Variants in TIGIT observed in about 807,000 individuals in gnomAD.
TIGIT encodes T cell immunoreceptor with Ig and ITIM domains.
TIGIT carries 11 observed loss-of-function variants against 19.6 expected under a neutral mutation model. The ratio of observed to expected loss-of-function variants is 0.56; its 90% CI spans 0.35 to 0.93. The LOEUF (loss-of-function observed/expected upper bound fraction) is 0.93. Ranked by LOEUF, TIGIT falls within the 40% of genes least tolerant of loss-of-function variation. TIGIT has a pLI of 0.01. For synonymous variants in TIGIT, 130 were observed against 125.5 expected, an observed-to-expected ratio of 1.04 and a Z score of -0.24; for missense variants, 295 against 303.9, an observed-to-expected ratio of 0.97 and a Z score of 0.22.
intron 3 of TIGIT, among the ~76,000 whole-genome samples, chr3:114,303,579 ATATATATACATATATAT>A (rs2078509720): frequency 1.7e-4 from 1 of 5,926 alleles, no homozygotes; most frequent in Admixed American, 3.4e-3. Flanking sequence ...ATATGTATAT[ATATATATACATATATAT>A]GTATATATAT....
In TIGIT at chr3:114,308,158, C is replaced by G. The variant is rs1374546019; in HGVS notation, c.*27C>G. On this transcript the variant is annotated 3_prime_UTR_variant, in exon 4 of 4. Coordinates refer to ENST00000383671, the MANE Select transcript of TIGIT (RefSeq NM_173799.4). ...AACCAGAGGCATCTTCTGGAAGATA[C>G]ACTTTTGTCTTTGCTATTATAGATG... 1.9e-6 allele frequency: 3 copies of G among 1,592,336 alleles called. No individual in the cohort carries two copies. Among genetic ancestry groups the G allele is most frequent in the East Asian group, 2.2e-5 (1 of 44,764 alleles).
At chr3:114,305,671 G>A (rs539916559) in intron 3 of TIGIT, among the ~76,000 whole-genome samples, 5 of 152,234 alleles carry the variant, frequency 3.3e-5, no homozygotes, top group East Asian at 1.9e-4. Context: ...AGCTCACAGC[G>A]TACACTCCCA....
intron 3 of TIGIT, among the ~76,000 whole-genome samples, chr3:114,301,493 C>A (rs1295946565): frequency 1.3e-5 from 2 of 152,174 alleles, no homozygotes; most frequent in East Asian, 3.8e-4. Context: ...GAAAGTTGAT[C>A]TCTTAGCTGG....
chr3:114,294,259 T>C, intron 1 of TIGIT, 137 bp downstream of exon 1: 1 of 641,232 alleles, frequency 1.6e-6, no homozygotes, highest in Non-Finnish European at 2.7e-6. Context: ...ACTTTTAGAG[T>C]CCTGTGTACT....
At position 114,308,773 on chromosome 3, in the gene TIGIT, GTGA is replaced by G. The variant is rs1392133304; in HGVS notation, c.*646_*648del. The G allele has an allele frequency of 6.6e-6, 1 of 152,514 alleles. No homozygotes were observed. The highest frequency in any genetic ancestry group is 6.5e-5 in the Admixed American group (1 of 15,286). 9.4% of individuals were successfully genotyped at this position (152,514 alleles called of 1,614,324 possible). Reference sequence around the variant, plus strand: ...TGAGGTAGTTGGCATAGGCTTATCTGTGATGAAGTGGCCTGGGAGCACCAAGGG... The same window carrying G: ...TGAGGTAGTTGGCATAGGCTTATCTGTGAAGTGGCCTGGGAGCACCAAGGG... On this transcript the variant is annotated 3_prime_UTR_variant, in exon 4 of 4. Coordinates refer to ENST00000383671, the MANE Select transcript of TIGIT (RefSeq NM_173799.4).
chr3:114,295,580 A>G lies in TIGIT; in HGVS notation c.97A>G (p.Ile33Val), dbSNP rs13098836. 3,725 of 1,614,138 alleles carry G rather than the reference A, an allele frequency of 2.3e-3. 18 individuals carry two copies. Among genetic ancestry groups the G allele is most frequent in the Middle Eastern group, 0.02 (124 of 6,062 alleles). The change falls in exon 2 of 4, where the codon ATT becomes GTT. Residue 33 changes from isoleucine (I) to valine (V), a missense_variant. Ile to Val is a conservative substitution (Grantham distance 29). Coordinates refer to ENST00000383671, the MANE Select transcript of TIGIT (RefSeq NM_173799.4). ...AGGCACAATAGAAACAACGGGGAAC[A>G]TTTCTGCAGAGAAAGGTGGCTCTAT... ...MTGTIETTGN[I>V]SAEKGGSIIL...
In TIGIT at chr3:114,310,223, T is replaced by C. The variant is rs1576146819; in HGVS notation, c.*2092T>C. ...AATAAGAATACTATTTCAGTAGTTT[T>C]GGTATATTGTGTGTCAAAAATGATA... On this transcript the variant is annotated 3_prime_UTR_variant, in exon 4 of 4. Transcript: ENST00000383671. The C allele has an allele frequency of 6.6e-6, 1 of 152,212 alleles. No homozygotes were observed. The highest frequency in any genetic ancestry group is 2.4e-5 in the African/African-American group (1 of 41,454). The allele number at this position is 152,212 out of a possible 1,614,324, so 9.4% of individuals were successfully genotyped here. A position where few individuals can be genotyped will look rare whatever the true frequency, so the allele number is the denominator to read the frequency against.
intron 2 of TIGIT, among the ~76,000 whole-genome samples, chr3:114,298,044 CT>C (rs753913929): frequency 3.3e-5 from 5 of 152,230 alleles, no homozygotes; most frequent in Non-Finnish European, 7.3e-5. Context: ...CTAATACTAT[CT>C]GTAATATTTA....
Position 114,308,821 on chromosome 3 carries a change from G to A in TIGIT, c.*690G>A, listed in dbSNP as rs1230745069. The A allele has an allele frequency of 6.6e-6, 1 of 152,332 alleles. No homozygotes were observed. Among genetic ancestry groups the A allele is most frequent in the Non-Finnish European group, 1.5e-5 (1 of 68,118 alleles). 9.4% of individuals were successfully genotyped at this position (152,332 alleles called of 1,614,324 possible). ...CAAGGGGATGTTGAGGCTAGTCTGG[G>A]AGGAGCAGGAGTTTTGTCTAGGGAA... is the stretch of plus-strand genomic sequence containing the variant. On this transcript the variant is annotated 3_prime_UTR_variant, in exon 4 of 4. Coordinates refer to ENST00000383671, the MANE Select transcript of TIGIT (RefSeq NM_173799.4).
chr3:114,294,885 A>G (rs2078443080), intron 1 of TIGIT: 1 of 152,828 alleles, frequency 6.5e-6, no homozygotes, highest in African/African-American at 2.4e-5. Context: ...CCAGCATAGA[A>G]CTAGGCCGCA....
chr3:114,303,510 T>C (rs1351406049), intron 3 of TIGIT, among the ~76,000 whole-genome samples: 1 of 7,090 alleles, frequency 1.4e-4, no homozygotes, highest in African/African-American at 1.9e-4. Flanking sequence ...TATATGTATA[T>C]ATATATACAC....
chr3:114,303,575 A>ATATATATATACATATATATGTG (rs1560033602), intron 3 of TIGIT, among the ~76,000 whole-genome samples: 19 of 5,050 alleles, frequency 3.8e-3, no homozygotes, highest in African/African-American at 6.1e-3. Flanking sequence ...ATATATATGT[A>ATATATATATACATATATATGTG]TATATATATA....
rs943863818 is a variant in TIGIT at position 114,308,848 on chromosome 3, T to G, written c.*717T>G. 3 of 152,278 alleles carry G rather than the reference T, an allele frequency of 2.0e-5. No homozygotes were observed. The highest frequency in any genetic ancestry group is 7.2e-5 in the African/African-American group (3 of 41,436). The allele number at this position is 152,278 out of a possible 1,614,324, so 9.4% of individuals were successfully genotyped here. A position where few individuals can be genotyped will look rare whatever the true frequency, so the allele number is the denominator to read the frequency against. On this transcript the variant is annotated 3_prime_UTR_variant, in exon 4 of 4. Coordinates refer to ENST00000383671, the MANE Select transcript of TIGIT (RefSeq NM_173799.4). Reference sequence around the variant, plus strand: ...GGAGCAGGAGTTTTGTCTAGGGAACTTGTAGGAAATTCTTGGAGCTGAAAG... The same window carrying G: ...GGAGCAGGAGTTTTGTCTAGGGAACGTGTAGGAAATTCTTGGAGCTGAAAG...
At chr3:114,300,978 C>T (rs780096079) in intron 3 of TIGIT, among the ~76,000 whole-genome samples, 12 of 152,080 alleles carry the variant, frequency 7.9e-5, no homozygotes, top group African/African-American at 2.2e-4. Flanking sequence ...TATTATAATT[C>T]GGCTTACTCT....
intron 3 of TIGIT, among the ~76,000 whole-genome samples, chr3:114,304,098 G>A (rs887993102): frequency 3.3e-5 from 5 of 151,560 alleles, no homozygotes; most frequent in African/African-American, 1.2e-4. Context: ...ACTTTTTGAT[G>A]GGATTTTTTT....
chr3:114,296,293 T>C (rs886842937), intron 2 of TIGIT, among the ~76,000 whole-genome samples: 9 of 152,264 alleles, frequency 5.9e-5, no homozygotes, highest in African/African-American at 2.2e-4. Flanking sequence ...TGTGCTAAGT[T>C]TAATTGTACA....
Position 114,308,119 on chromosome 3 carries a change from A to C in TIGIT, c.723A>C (p.Thr241=). The C allele has an allele frequency of 6.2e-7, 1 of 1,614,116 alleles. No individual in the cohort carries two copies. Among genetic ancestry groups the C allele is most frequent in the East Asian group, 2.2e-5 (1 of 44,884 alleles). ...YRSLGNCSFF[T]ETG ...GCCTGGGTAACTGCAGCTTCTTCAC[A>C]GAGACTGGTTAGCAACCAGAGGCAT... Residue 241 remains threonine (T), a synonymous_variant, in exon 4 of 4, where the codon ACA becomes ACC. Coordinates refer to ENST00000383671, the MANE Select transcript of TIGIT (RefSeq NM_173799.4).
intron 1 of TIGIT, 141 bp downstream of exon 1, chr3:114,294,263 G>T: frequency 1.6e-6 from 1 of 637,084 alleles, no homozygotes. Context: ...TTAGAGTCCT[G>T]TGTACTCTTA....
At chr3:114,300,219 G>T (rs1011703547) in intron 3 of TIGIT, among the ~76,000 whole-genome samples, 2 of 152,082 alleles carry the variant, frequency 1.3e-5, no homozygotes, top group Non-Finnish European at 2.9e-5. Flanking sequence ...TCAATGATCT[G>T]TAATATTTTC....
Sources: gnomAD v4.1 joint callset for allele counts (sites outside exome capture counted in the v4.1 genomes callset) on GRCh38, gnomAD v4.1.1 for gene constraint, MANE v1.5 for transcripts, NCBI Gene and HGNC (gene_info 2026-07-23, HGNC 2026-07-21) for gene names.